The following LAMA2 variants were observed in gnomAD, a reference collection of about 807,000 sequenced individuals.
The protein encoded by LAMA2 is laminin subunit alpha 2, also known as laminin subunit alpha-2.
In LAMA2, 269 loss-of-function variants were observed where a neutral mutation model predicts 364.8. The ratio of observed to expected loss-of-function variants is 0.74; its 90% CI spans 0.67 to 0.82. The LOEUF is 0.82. LAMA2 is among the 40% of genes least tolerant of loss of function. The pLI is 0.00. For synonymous variants in LAMA2, 1,379 were observed against 1,370.6 expected (o/e 1.01, Z -0.14); for missense variants, 3,807 against 3,873.2 (o/e 0.98, Z 0.45).
At chr6:129,016,457 A>G (rs1428589802) in intron 1 of LAMA2, among the ~76,000 whole-genome samples, 1 of 152,050 alleles carries the variant, frequency 6.6e-6, no homozygotes, top group Non-Finnish European at 1.5e-5. Flanking sequence ...GCATGAATAA[A>G]TATTTCATAG....
intron 3 of LAMA2, among the ~76,000 whole-genome samples, chr6:129,065,268 A>G (rs948171883): frequency 6.6e-6 from 1 of 152,190 alleles, no homozygotes; most frequent in African/African-American, 2.4e-5. Flanking sequence ...AACATAATAA[A>G]GACTGTATAT....
At chr6:129,053,927 A>G (rs944482034) in intron 2 of LAMA2, among the ~76,000 whole-genome samples, 1 of 152,188 alleles carries the variant, frequency 6.6e-6, no homozygotes, top group South Asian at 2.1e-4. Context: ...TTGGGGGGAA[A>G]GGCAGGGAAG....
At chr6:129,172,340 C>T (rs1291961655) in intron 9 of LAMA2, among the ~76,000 whole-genome samples, 1 of 152,184 alleles carries the variant, frequency 6.6e-6, no homozygotes, top group African/African-American at 2.4e-5. Context: ...TGGTGATGTA[C>T]AGATGGGTTT....
chr6:129,146,091 T>C (rs751302555), intron 5 of LAMA2, among the ~76,000 whole-genome samples: 1 of 151,776 alleles, frequency 6.6e-6, no homozygotes, highest in African/African-American at 2.4e-5. Flanking sequence ...AAGAAGTAAA[T>C]TGGAAAAAGG....
At chr6:129,514,859 T>G (rs1036376181) in intron 64 of LAMA2, among the ~76,000 whole-genome samples, 1 of 152,178 alleles carries the variant, frequency 6.6e-6, no homozygotes, top group African/African-American at 2.4e-5. Flanking sequence ...GGAAATGAAT[T>G]TGGCTTATAA....
At chr6:129,471,238 C>T (rs1026791183) in intron 51 of LAMA2, among the ~76,000 whole-genome samples, 10 of 151,836 alleles carry the variant, frequency 6.6e-5, no homozygotes, top group African/African-American at 1.9e-4. Flanking sequence ...CAAGCATTAG[C>T]ATTTACTAGC....
intron 1 of LAMA2, among the ~76,000 whole-genome samples, chr6:129,027,594 G>GT (rs1452691861): frequency 6.6e-6 from 1 of 151,850 alleles, no homozygotes; most frequent in Non-Finnish European, 1.5e-5. Context: ...GGTAACTTGT[G>GT]TTTTTTAATG....
chr6:129,093,225 G>A (rs1330896072), intron 3 of LAMA2, among the ~76,000 whole-genome samples: 1 of 151,146 alleles, frequency 6.6e-6, no homozygotes, highest in Non-Finnish European at 1.5e-5. Context: ...TCCTGACATC[G>A]TGATCCGCCT....
At chr6:129,471,429 G>A (rs896265533) in intron 51 of LAMA2, among the ~76,000 whole-genome samples, 1 of 151,832 alleles carries the variant, frequency 6.6e-6, no homozygotes, top group African/African-American at 2.4e-5. Flanking sequence ...TTCTAAAAAT[G>A]CATATATTCA....
chr6:128,925,093 G>T (rs1779002022), intron 1 of LAMA2, among the ~76,000 whole-genome samples: 1 of 152,110 alleles, frequency 6.6e-6, no homozygotes, highest in Admixed American at 6.6e-5. Flanking sequence ...GACAATCATG[G>T]AAAACAGTAT....
chr6:129,205,776 ACACT>A (rs1782602150), intron 12 of LAMA2, among the ~76,000 whole-genome samples: 1 of 152,016 alleles, frequency 6.6e-6, no homozygotes, highest in African/African-American at 2.4e-5. Context: ...TGTAATCCCA[ACACT>A]TTTGGTGGTT....
rs186607219 is a variant in LAMA2, at chr6:129,040,975, G to C, written c.113-8943G>C. ...GATAAATATTTTTGTTTAGAGTAGT[G>C]AGAAGAGTGAAACACAGTAGATCTT... On this transcript the variant is annotated intron_variant, in intron 1 of 64. Coordinates refer to ENST00000421865, the MANE Select transcript of LAMA2 (RefSeq NM_000426.4). Among the ~76,000 whole-genome samples the C allele has an allele frequency of 5.9e-5, 9 of 152,312 alleles. No homozygotes were observed. In the East Asian group the frequency reaches 1.7e-3, roughly 29 times the overall value.
Position 129,314,742 on chromosome 6 carries a change from T to C in LAMA2, c.3499T>C (p.Tyr1167His), listed in dbSNP as rs762491173. The C allele has an allele frequency of 4.3e-6, 7 of 1,613,920 alleles. No individual in the cohort carries two copies. The highest frequency in any genetic ancestry group is 5.1e-6 in the Non-Finnish European group (6 of 1,180,036). The change falls in exon 24 of 65, where the codon TAT becomes CAT. Residue 1167 changes from tyrosine to histidine, a missense_variant. Coordinates refer to ENST00000421865, the MANE Select transcript of LAMA2 (RefSeq NM_000426.4). Reference protein sequence around the residue: ...AKNPLGCSSCYCFGTTTQCSE... With the variant: ...AKNPLGCSSCHCFGTTTQCSE... ...GAATCCACTTGGCTGCAGCAGCTGC[T>C]ATTGCTTCGGCACTACTACCCAGTG...
chr6:128,891,531 T>C (rs1346839410), intron 1 of LAMA2, among the ~76,000 whole-genome samples: 1 of 152,048 alleles, frequency 6.6e-6, no homozygotes, highest in Non-Finnish European at 1.5e-5. Flanking sequence ...TGGTTTGTCG[T>C]GGTACATATG....
intron 61 of LAMA2, among the ~76,000 whole-genome samples, chr6:129,506,923 A>G (rs1786130125): frequency 6.6e-6 from 1 of 152,158 alleles, no homozygotes; most frequent in Admixed American, 6.5e-5. Context: ...ATAATGGACC[A>G]GAGTGTGATT....
chr6:129,401,091 C>CGGTG, intron 37 of LAMA2, 133 bp from the exon 38 acceptor site: 2 of 753,868 alleles, frequency 2.7e-6, no homozygotes, highest in South Asian at 1.4e-5. Context: ...ATATTTTTCT[C>CGGTG]ATCTAGCCAC....
At chr6:129,294,954 T>A (rs6420741) in intron 20 of LAMA2, among the ~76,000 whole-genome samples, 119,252 of 152,222 alleles carry the variant, frequency 0.78, 47,397 homozygotes, top group East Asian at 0.89. Flanking sequence ...AAATGTCTCC[T>A]AAATATAAAT....
At chr6:129,345,908 A>G (rs1776524457) in intron 30 of LAMA2, among the ~76,000 whole-genome samples, 1 of 152,184 alleles carries the variant, frequency 6.6e-6, no homozygotes, top group Non-Finnish European at 1.5e-5. Context: ...GAAACCAGCC[A>G]GGGCAAAGAA....
At chr6:129,285,209 G>T (rs991109107) in intron 18 of LAMA2, among the ~76,000 whole-genome samples, 1 of 151,884 alleles carries the variant, frequency 6.6e-6, no homozygotes, top group Non-Finnish European at 1.5e-5. Flanking sequence ...AATTCCTAAC[G>T]GAACACCTTC....
Sources: allele counts gnomAD v4.1 joint callset (sites outside exome capture counted in the v4.1 genomes callset), GRCh38; gene constraint gnomAD v4.1.1; transcripts MANE v1.5; gene names NCBI Gene and HGNC (gene_info 2026-07-23, HGNC 2026-07-21).